CABIN1: variants seen among roughly 807,000 people sequenced by gnomAD.
The protein encoded by CABIN1 is calcineurin-binding protein cabin-1.
CABIN1 carries 133 observed loss-of-function variants against 227.7 expected under a neutral mutation model. That is an observed-to-expected ratio of 0.58 (90% confidence interval 0.51 to 0.67). The LOEUF (loss-of-function observed/expected upper bound fraction) is 0.67. Among genes scored for constraint, CABIN1 ranks in the 30% least tolerant of loss-of-function variants. The pLI, the probability that CABIN1 is intolerant of heterozygous loss-of-function variation, is 0.00. For missense variants in CABIN1, 2,408 were observed against 2,852.5 expected, an observed-to-expected ratio of 0.84 and a Z score of 3.55; for synonymous variants, 1,086 against 1,155.1, an observed-to-expected ratio of 0.94 and a Z score of 1.21.
chr22:24,075,269 T>A (rs1171685172), intron 18 of CABIN1, among the ~76,000 whole-genome samples: 1 of 152,188 alleles, frequency 6.6e-6, no homozygotes, highest in Non-Finnish European at 1.5e-5. Context: ...TTCTGACATG[T>A]TCTGTCCTGA....
chr22:24,059,957 A>G lies in CABIN1; in HGVS notation c.1433A>G (p.Asn478Ser). 2 of 1,614,150 alleles carry G rather than the reference A, an allele frequency of 1.2e-6. No homozygotes were observed. Among genetic ancestry groups the G allele is most frequent in the Non-Finnish European group, 8.5e-7 (1 of 1,180,038 alleles). ...KQDVHEFLLE[N>S]LTNGGILELM... ...GACGTGCATGAGTTCCTGCTGGAGA[A>G]CCTAACCAACGGGGGCATCCTGGAG... Residue 478 changes from asparagine to serine, a missense_variant, in exon 12 of 37, where the codon AAC (asparagine) becomes AGC (serine). Coordinates refer to ENST00000263119, the MANE Select transcript of CABIN1 (RefSeq NM_012295.4).
At chr22:24,065,267 G>T (rs2039550661) in intron 15 of CABIN1, among the ~76,000 whole-genome samples, 1 of 151,742 alleles carries the variant, frequency 6.6e-6, no homozygotes, top group Admixed American at 6.6e-5. Context: ...CTGCCAGGCG[G>T]AGGGTCTCCT....
In CABIN1 at chr22:24,145,050, T is replaced by G. The variant is rs117917678; in HGVS notation, c.4746+10635T>G. Among the ~76,000 whole-genome samples the G allele has an allele frequency of 4.4e-3, 664 of 152,332 alleles. 4 individuals are homozygous for G. The highest frequency in any genetic ancestry group is 0.012 in the South Asian group (60 of 4,830). ...CAGGGCCAGGCTTCTGAGCAGAAGA[T>G]GCAGCATGAGGCACAGTGTGGGGCA... On this transcript the variant is annotated intron_variant, in intron 29 of 36. Transcript: ENST00000263119.
intron 28 of CABIN1, among the ~76,000 whole-genome samples, chr22:24,131,039 G>A (rs553400176): frequency 2.6e-5 from 4 of 152,286 alleles, no homozygotes; most frequent in East Asian, 3.9e-4. Context: ...GTCCATTCCC[G>A]TCCCATGGCC....
chr22:24,148,753 A>C lies in CABIN1; in HGVS notation c.4746+14338A>C, dbSNP rs139167225. Among the ~76,000 whole-genome samples, 1,425 of 152,316 alleles carry C rather than the reference A, an allele frequency of 9.4e-3. 20 individuals are homozygous for C. Among genetic ancestry groups the C allele is most frequent in the African/African-American group, 0.033 (1,356 of 41,564 alleles). The stretch of plus-strand genomic sequence containing the variant: ...GATGAAAGGGCAGCTGTTCCAGCAG[A>C]GGCAGGAAGGGCCAGGCCCCACCCG... On this transcript the variant is annotated intron_variant, in intron 29 of 36. Coordinates refer to ENST00000263119, the MANE Select transcript of CABIN1 (RefSeq NM_012295.4).
chr22:24,157,911 A>G (rs1452605105), intron 29 of CABIN1, among the ~76,000 whole-genome samples: 1 of 152,100 alleles, frequency 6.6e-6, no homozygotes, highest in South Asian at 2.1e-4. Context: ...GAGAGGCTCC[A>G]TCGCTCTCTA....
At position 24,087,557 on chromosome 22, in the gene CABIN1, G is replaced by A. The variant is rs372026258; in HGVS notation, c.3369G>A (p.Thr1123=). 5.6e-6 allele frequency: 9 copies of A among 1,614,184 alleles called. No individual in the cohort carries two copies. The highest frequency in any genetic ancestry group is 5.3e-5 in the African/African-American group (4 of 75,048). Residue 1123 remains threonine, a synonymous_variant, in exon 23 of 37, where the codon ACG becomes ACA. Transcript: ENST00000263119. ...ATGGGCCCATTTGGAAGCATGCCAC[G>A]CCCGTCTTGAACTGCTTCCGTCGGG... ...KSDGPIWKHA[T]PVLNCFRRAL...
chr22:24,170,817 G>C lies in CABIN1; in HGVS notation c.5758-896G>C, dbSNP rs547781804. ...AGGCGTGTGACTCTCCCACACTCGA[G>C]GGGGTGGGGATGGGGGTGCTGTCAG... On this transcript the variant is annotated intron_variant, in intron 33 of 36. Transcript: ENST00000263119. Among the ~76,000 whole-genome samples the C allele has an allele frequency of 5.6e-5, 8 of 141,622 alleles. No homozygotes were observed. The South Asian group carries it at 1.8e-3, about 32-fold the overall frequency. 92.9% of individuals were successfully genotyped at this position (141,622 alleles called of 152,430 possible). A position where few individuals can be genotyped will look rare whatever the true frequency, so the allele number is the denominator to read the frequency against.
intron 15 of CABIN1, among the ~76,000 whole-genome samples, chr22:24,066,193 A>AT (rs1252035120): frequency 6.6e-6 from 1 of 152,238 alleles, no homozygotes; most frequent in African/African-American, 2.4e-5. Flanking sequence ...GGAAGACAGG[A>AT]GAGGCCTGGG....
At chr22:24,127,522 A>G (rs972915133) in intron 28 of CABIN1, among the ~76,000 whole-genome samples, 4 of 152,244 alleles carry the variant, frequency 2.6e-5, no homozygotes, top group Non-Finnish European at 5.9e-5. Flanking sequence ...GAGCTGAATC[A>G]ATGGATCAGA....
chr22:24,095,967 C>G lies in CABIN1; in HGVS notation c.3823C>G (p.Leu1275Val). 9 of 1,614,140 alleles carry G rather than the reference C, an allele frequency of 5.6e-6. No individual in the cohort carries two copies. The highest frequency in any genetic ancestry group is 7.6e-6 in the Non-Finnish European group (9 of 1,180,010). ...GCTCCATGCTTCCATCCTGAAGCTC[C>G]TGGGGAAGCCCGATTCTGGGGTTGG... is the stretch of plus-strand genomic sequence containing the variant. Reference protein sequence around the residue: ...FRLHASILKLLGKPDSGVGAE... With the variant: ...FRLHASILKLVGKPDSGVGAE... Residue 1275 changes from leucine to valine, a missense_variant, in exon 25 of 37, where the codon CTG becomes GTG. Transcript: ENST00000263119.
intron 1 of CABIN1, among the ~76,000 whole-genome samples, chr22:24,014,502 A>G (rs977880035): frequency 5.3e-5 from 8 of 151,142 alleles, no homozygotes; most frequent in Admixed American, 5.3e-4. Context: ...CTCTGACCCA[A>G]CTCTGGAATC....
At chr22:24,079,413 T>C (rs1313868565) in intron 19 of CABIN1, among the ~76,000 whole-genome samples, 1 of 152,190 alleles carries the variant, frequency 6.6e-6, no homozygotes, top group Non-Finnish European at 1.5e-5. Flanking sequence ...CTTGTGTAGA[T>C]TCCTGTAAAA....
rs76188692 is a variant in CABIN1 at position 24,045,894 on chromosome 22, C to T, written c.526+2810C>T. 6.8e-3 allele frequency among the ~76,000 whole-genome samples: 1,040 copies of T among 152,244 alleles called. 13 individuals are homozygous for T. Among genetic ancestry groups the T allele is most frequent in the African/African-American group, 0.024 (998 of 41,550 alleles). Reference sequence around the variant, plus strand: ...TGTTCTCCATAACCACTTTTTAAATCTTTTTAATTGAGGCAAAACATACAT... The same window carrying T: ...TGTTCTCCATAACCACTTTTTAAATTTTTTTAATTGAGGCAAAACATACAT... On this transcript the variant is annotated intron_variant, in intron 6 of 36. Coordinates refer to ENST00000263119, the MANE Select transcript of CABIN1 (RefSeq NM_012295.4).
Position 24,044,925 on chromosome 22 carries a change from C to CT in CABIN1, c.526+1857dup, listed in dbSNP as rs200969491. Among the ~76,000 whole-genome samples, 1,283 of 140,134 alleles carry CT rather than the reference C, an allele frequency of 9.2e-3. 9 individuals carry two copies. The highest frequency in any genetic ancestry group is 0.022 in the East Asian group (109 of 4,872). The allele number at this position is 140,134 out of a possible 152,430, so 91.9% of individuals were successfully genotyped here. ...CTTTCTGAGCCCTCATCAGAATCAC[C>CT]TTTTTTTTTTTTTTTTGAGATGGAG... On this transcript the variant is annotated intron_variant, in intron 6 of 36. Coordinates refer to ENST00000263119, the MANE Select transcript of CABIN1 (RefSeq NM_012295.4).
At chr22:24,072,782 A>G (rs1281776443) in intron 18 of CABIN1, among the ~76,000 whole-genome samples, 1 of 152,126 alleles carries the variant, frequency 6.6e-6, no homozygotes, top group Non-Finnish European at 1.5e-5. Context: ...AGAGGTGACT[A>G]CTTATGACAA....
rs1032061402 is a variant in CABIN1 at position 24,164,130 on chromosome 22, G to C, written c.4747-270G>C. Among the ~76,000 whole-genome samples the C allele has an allele frequency of 5.9e-5, 9 of 152,342 alleles. No homozygotes were observed. In the East Asian group the frequency reaches 7.7e-4, roughly 13 times the overall value. On this transcript the variant is annotated intron_variant, in intron 29 of 36. Coordinates refer to ENST00000263119, the MANE Select transcript of CABIN1 (RefSeq NM_012295.4). ...CCCCACCTGAGTGCATCCCATAGGG[G>C]ACAGGTCCAGCAAACATATGAGATG...
intron 29 of CABIN1, among the ~76,000 whole-genome samples, chr22:24,155,276 C>G (rs911553290): frequency 2.0e-5 from 3 of 152,162 alleles, no homozygotes; most frequent in African/African-American, 7.2e-5. Flanking sequence ...GAGCCTGTTT[C>G]TCATCTGTAG....
intron 8 of CABIN1, among the ~76,000 whole-genome samples, chr22:24,051,477 G>A (rs1046065559): frequency 7.9e-5 from 12 of 152,266 alleles, no homozygotes; most frequent in African/African-American, 2.9e-4. Flanking sequence ...TCTCTCTCCA[G>A]GAAGGGCAAA....
Sources: allele counts gnomAD v4.1 joint callset (sites outside exome capture counted in the v4.1 genomes callset), GRCh38; gene constraint gnomAD v4.1.1; transcripts MANE v1.5; gene names NCBI Gene and HGNC (gene_info 2026-07-23, HGNC 2026-07-21).